PSD3: variants seen among roughly 807,000 people sequenced by gnomAD.
PSD3 encodes pleckstrin and Sec7 domain containing 3, also known as PH and SEC7 domain-containing protein 3.
A neutral mutation model predicts 105.5 loss-of-function variants in PSD3; 49 were observed. The observed-to-expected ratio is 0.46, with a 90% CI of 0.37 to 0.59. The LOEUF (loss-of-function observed/expected upper bound fraction) is 0.59, where lower values mean the gene tolerates loss of function less well. PSD3 is among the 20% of genes least tolerant of loss of function. PSD3 has a pLI of 0.00. For synonymous variants in PSD3, 557 were observed against 457.8 expected (o/e 1.22, Z -2.77); for missense variants, 1,561 against 1,263.8 (o/e 1.24, Z -3.57).
At chr8:18,874,702 C>CAA (rs746055038) in intron 2 of PSD3, among the ~76,000 whole-genome samples, 9,377 of 52,142 alleles carry the variant, frequency 0.18, 655 homozygotes, top group African/African-American at 0.23. Flanking sequence ...GACTCCATCT[C>CAA]AAAAAAAAAA....
chr8:18,763,503 A>G (rs993334471), intron 9 of PSD3, among the ~76,000 whole-genome samples: 2 of 152,196 alleles, frequency 1.3e-5, no homozygotes, highest in Non-Finnish European at 2.9e-5. Flanking sequence ...ACTCCACCCA[A>G]TAATTTATCT....
At chr8:18,838,312 C>T (rs980898016) in intron 4 of PSD3, among the ~76,000 whole-genome samples, 1 of 152,156 alleles carries the variant, frequency 6.6e-6, no homozygotes, top group South Asian at 2.1e-4. Flanking sequence ...AATGCCTCAC[C>T]ATGCTTGGAA....
chr8:18,770,733 G>C (rs1360179571), intron 8 of PSD3, among the ~76,000 whole-genome samples: 1 of 152,222 alleles, frequency 6.6e-6, no homozygotes, highest in East Asian at 1.9e-4. Flanking sequence ...TTGGCTGTCT[G>C]CATATGGCTT....
chr8:18,748,128 C>G (rs915930405), intron 9 of PSD3, among the ~76,000 whole-genome samples: 2 of 152,052 alleles, frequency 1.3e-5, no homozygotes, highest in African/African-American at 4.8e-5. Context: ...GAAAAAAGGA[C>G]CAGCTGGCTG....
At chr8:19,035,474 A>G (rs1332918454) in intron 1 of PSD3, among the ~76,000 whole-genome samples, 1 of 152,058 alleles carries the variant, frequency 6.6e-6, no homozygotes, top group African/African-American at 2.4e-5. Context: ...TTTTCCATTA[A>G]TAGTAATAAT....
chr8:18,975,104 G>A (rs2129472289), intron 1 of PSD3, among the ~76,000 whole-genome samples: 2 of 152,202 alleles, frequency 1.3e-5, no homozygotes, highest in South Asian at 4.1e-4. Flanking sequence ...TGGCAGGTGG[G>A]AAGCAAAGCT....
chr8:18,556,332 A>C lies in PSD3; in HGVS notation c.2805T>G (p.His935Gln). The C allele has an allele frequency of 6.2e-7, 1 of 1,612,820 alleles. No individual in the cohort carries two copies. The highest frequency in any genetic ancestry group is 1.1e-5 in the South Asian group (1 of 90,798). ...KLSQEEQLKS[H>Q]ESKLKQITTE... ...TGGTGATCTGCTTCAGCTTACTTTC[A>C]TGTGACTTCAGTTGCTCCTCCTGCA... The change falls in exon 15 of 16, where the codon CAT becomes CAG. Residue 935 changes from histidine (H) to glutamine (Q), a missense_variant. Transcript: ENST00000327040.
At position 18,754,026 on chromosome 8, in the gene PSD3, A is replaced by G. The variant is rs115122443; in HGVS notation, c.2172+11423T>C. The stretch of plus-strand genomic sequence containing the variant: ...ACTGCCCCTCTATCTGAGGAACATC[A>G]CTTCCTTGAACTCCATTCTTCTAAT... On this transcript the variant is annotated intron_variant, in intron 9 of 15. Coordinates refer to ENST00000327040, the MANE Select transcript of PSD3 (RefSeq NM_015310.4). Among the ~76,000 whole-genome samples, 675 of 152,188 alleles carry G rather than the reference A, an allele frequency of 4.4e-3. 5 individuals are homozygous for G. Among genetic ancestry groups the G allele is most frequent in the African/African-American group, 0.015 (636 of 41,518 alleles).
At chr8:18,996,941 A>G (rs925497911) in intron 1 of PSD3, among the ~76,000 whole-genome samples, 1 of 151,484 alleles carries the variant, frequency 6.6e-6, no homozygotes. Flanking sequence ...GGAGAATCTG[A>G]CTCATCTTGC....
In PSD3 at chr8:18,871,980, C is replaced by T. The variant is rs1232385752; in HGVS notation, c.884G>A (p.Arg295Gln). 14 of 1,614,010 alleles carry T rather than the reference C, an allele frequency of 8.7e-6. No individual in the cohort carries two copies. The highest frequency in any genetic ancestry group is 3.3e-5 in the Admixed American group (2 of 60,000). ...DRSSSMGRPG[R>Q]VKHVEFQGVE... ...TCCTTGAAATTCCACATGTTTGACC[C>T]GGCCTGGGCGTCCCATGGAGCTGCT... is the stretch of plus-strand genomic sequence containing the variant. The change falls in exon 3 of 16, where the codon CGG becomes CAG. Residue 295 changes from arginine to glutamine, a missense_variant. Physicochemically the swap from Arg to Gln is conservative, Grantham distance 43 (BLOSUM62 1). Transcript: ENST00000327040.
intron 11 of PSD3, among the ~76,000 whole-genome samples, chr8:18,624,236 A>G (rs1286017127): frequency 6.6e-6 from 1 of 152,100 alleles, no homozygotes; most frequent in Non-Finnish European, 1.5e-5. Flanking sequence ...AGGGTAGAAG[A>G]GGGCCCATTG....
intron 8 of PSD3, among the ~76,000 whole-genome samples, chr8:18,795,932 G>C (rs965843539): frequency 6.6e-6 from 1 of 152,122 alleles, no homozygotes; most frequent in African/African-American, 2.4e-5. Context: ...AGAAACTCTA[G>C]AGTTTAAGAG....
intron 2 of PSD3, among the ~76,000 whole-genome samples, chr8:18,892,690 T>A (rs556038526): frequency 6.6e-6 from 1 of 150,848 alleles, no homozygotes; most frequent in African/African-American, 2.4e-5. Context: ...CGTGGCGTCA[T>A]CTTGGCTCAC....
chr8:18,653,023 T>A (rs1228710119), intron 10 of PSD3, among the ~76,000 whole-genome samples: 1 of 152,226 alleles, frequency 6.6e-6, no homozygotes, highest in Non-Finnish European at 1.5e-5. Flanking sequence ...AAATTCAAGA[T>A]GTACGTTGAT....
At chr8:18,724,511 G>A (rs889332595) in intron 9 of PSD3, among the ~76,000 whole-genome samples, 5 of 152,150 alleles carry the variant, frequency 3.3e-5, no homozygotes, top group Admixed American at 2.0e-4. Context: ...TTGAGAAGAA[G>A]CTGAGGCAGG....
chr8:18,615,954 A>C (rs940429636), intron 11 of PSD3, among the ~76,000 whole-genome samples: 2 of 152,284 alleles, frequency 1.3e-5, no homozygotes, highest in Non-Finnish European at 2.9e-5. Context: ...AAACAGCTGA[A>C]GGTCAATAAA....
chr8:18,631,340 G>C (rs1362180885), intron 11 of PSD3, among the ~76,000 whole-genome samples: 1 of 151,950 alleles, frequency 6.6e-6, no homozygotes. Flanking sequence ...GCAAGTGGGG[G>C]CTGTCAATCA....
At chr8:18,819,434 C>A in intron 4 of PSD3, among the ~76,000 whole-genome samples, 1 of 152,050 alleles carries the variant, frequency 6.6e-6, no homozygotes, top group Non-Finnish European at 1.5e-5. Context: ...AAAAAGCCCT[C>A]CCCAAACTCT....
intron 2 of PSD3, among the ~76,000 whole-genome samples, chr8:18,896,083 G>T (rs1819131776): frequency 1.3e-5 from 2 of 152,254 alleles, no homozygotes; most frequent in South Asian, 4.1e-4. Context: ...TTTTATGCCT[G>T]GCTTATTTTA....
Sources: gnomAD v4.1 joint callset for allele counts (sites outside exome capture counted in the v4.1 genomes callset) on GRCh38, gnomAD v4.1.1 for gene constraint, MANE v1.5 for transcripts, NCBI Gene and HGNC (gene_info 2026-07-23, HGNC 2026-07-21) for gene names.